Variants in CDH4 observed in about 807,000 individuals in gnomAD.
CDH4 encodes cadherin 4, also known as cadherin-4.
A neutral mutation model predicts 86.0 loss-of-function variants in CDH4; 33 were observed. The ratio of observed to expected loss-of-function variants is 0.38; its 90% CI spans 0.29 to 0.51. The LOEUF is 0.51. Ranked by LOEUF, CDH4 falls within the 20% of genes least tolerant of loss-of-function variation. CDH4 has a pLI of 0.86. For missense variants in CDH4, 1,114 were observed against 1,307.4 expected, an observed-to-expected ratio of 0.85 and a Z score of 2.28; for synonymous variants, 555 against 549.4, an observed-to-expected ratio of 1.01 and a Z score of -0.14.
intron 2 of CDH4, among the ~76,000 whole-genome samples, chr20:61,585,292 C>T (rs6061288): frequency 6.6e-6 from 1 of 152,218 alleles, no homozygotes; most frequent in Non-Finnish European, 1.5e-5. Flanking sequence ...TTCCTTTGAC[C>T]TTGGGGAAGC....
intron 2 of CDH4, among the ~76,000 whole-genome samples, chr20:61,415,889 G>A (rs1224156499): frequency 3.3e-5 from 5 of 151,742 alleles, no homozygotes; most frequent in African/African-American, 9.7e-5. Context: ...TAGTAGAGAC[G>A]GGGTTTTGCC....
chr20:61,565,240 T>TAGTGGTCCTCTTGGTGATGG (rs2086272359), intron 2 of CDH4, among the ~76,000 whole-genome samples: 2 of 65,402 alleles, frequency 3.1e-5, no homozygotes, highest in African/African-American at 1.2e-4. Context: ...GTGGTGGTGG[T>TAGTGGTCCTCTTGGTGATGG]GGCGGTGCTC....
intron 2 of CDH4, among the ~76,000 whole-genome samples, chr20:61,595,887 A>G (rs138885784): frequency 1.3e-4 from 20 of 152,320 alleles, no homozygotes; most frequent in Admixed American, 4.6e-4. Flanking sequence ...TGATTCCCGC[A>G]CGGCTTCCCA....
Position 61,895,052 on chromosome 20 carries a change from G to A in CDH4, c.1188+5G>A, listed in dbSNP as rs1985040043. ...CCAGAATTTACCGCCAGCACGGTGA[G>A]TCCCTCGAAGCTGCCCAGTGACGCA... On this transcript the variant is annotated splice_donor_5th_base_variant and intron_variant, in intron 8 of 15. Transcript: ENST00000614565. 1 of 1,613,100 alleles carries A rather than the reference G, an allele frequency of 6.2e-7. No individual in the cohort carries two copies. The highest frequency in any genetic ancestry group is 1.3e-5 in the African/African-American group (1 of 74,950).
In CDH4 at chr20:61,811,193, T is replaced by C. The variant is rs764684985; in HGVS notation, c.577-33475T>C. 6.6e-6 allele frequency among the ~76,000 whole-genome samples: 1 copy of C among 151,774 alleles called. No individual in the cohort carries two copies. Among genetic ancestry groups the C allele is most frequent in the Non-Finnish European group, 1.5e-5 (1 of 67,980 alleles). ...ACTCTTAGAGAAAAAAAAAATGCAATCCCTGCTGAGGATGTGAACCAGGTG... is the reference window on the plus strand; with the variant it reads ...ACTCTTAGAGAAAAAAAAAATGCAACCCCTGCTGAGGATGTGAACCAGGTG... On this transcript the variant is annotated intron_variant, in intron 4 of 15. Coordinates refer to ENST00000614565, the MANE Select transcript of CDH4 (RefSeq NM_001794.5). This position sits in a 1 kb window ranked among gnomAD's most constrained non-coding sequence, Gnocchi z 4.4.
At chr20:61,599,482 TCCTGACCCC>T (rs945663288) in intron 2 of CDH4, among the ~76,000 whole-genome samples, 10 of 152,152 alleles carry the variant, frequency 6.6e-5, no homozygotes, top group African/African-American at 1.9e-4. Flanking sequence ...AGGCCGACCC[TCCTGACCCC>T]CCTGACCCCA....
chr20:61,357,369 G>A (rs529480199), intron 2 of CDH4, among the ~76,000 whole-genome samples: 70 of 151,836 alleles, frequency 4.6e-4, no homozygotes, highest in African/African-American at 1.5e-3. Flanking sequence ...CCGTGTTGCA[G>A]CCACACACAC....
chr20:61,470,904 T>C (rs1052085237), intron 2 of CDH4, among the ~76,000 whole-genome samples: 2 of 152,180 alleles, frequency 1.3e-5, no homozygotes, highest in Admixed American at 6.5e-5. Context: ...TCATGATGAA[T>C]TATCTTTTTA....
chr20:61,694,037 T>C (rs1482114704), intron 2 of CDH4, among the ~76,000 whole-genome samples: 1 of 151,740 alleles, frequency 6.6e-6, no homozygotes, highest in Admixed American at 6.6e-5. Context: ...GGATTACAGG[T>C]GCCCGCCATG....
At chr20:61,414,542 C>T (rs536008031) in intron 2 of CDH4, among the ~76,000 whole-genome samples, 1 of 152,294 alleles carries the variant, frequency 6.6e-6, no homozygotes, top group African/African-American at 2.4e-5. Context: ...TGACTCCTGG[C>T]ATTATCACAT....
intron 2 of CDH4, among the ~76,000 whole-genome samples, chr20:61,677,203 G>C (rs1276455629): frequency 6.6e-6 from 1 of 152,200 alleles, no homozygotes; most frequent in Non-Finnish European, 1.5e-5. Flanking sequence ...GTAGGGGAAG[G>C]AGCAGGGCCC....
chr20:61,562,437 C>G (rs1410804564), intron 2 of CDH4, among the ~76,000 whole-genome samples: 1 of 151,910 alleles, frequency 6.6e-6, no homozygotes, highest in East Asian at 1.9e-4. Context: ...CCCCAGGACT[C>G]CCGGAGAGAG....
intron 4 of CDH4, among the ~76,000 whole-genome samples, chr20:61,809,202 T>C (rs1352880412): frequency 4.6e-5 from 7 of 152,152 alleles, no homozygotes; most frequent in Admixed American, 4.6e-4. Context: ...TCAGACGTGT[T>C]TCTAGGAAGG....
At chr20:61,813,518 G>A (rs1474031850) in intron 4 of CDH4, among the ~76,000 whole-genome samples, 2 of 152,174 alleles carry the variant, frequency 1.3e-5, no homozygotes, top group African/African-American at 2.4e-5. Flanking sequence ...CAGCTGGAAG[G>A]CAGTGGCTTC....
Position 61,777,721 on chromosome 20 carries a change from T to C in CDH4, c.576+4539T>C, listed in dbSNP as rs1477857310. Among the ~76,000 whole-genome samples the C allele has an allele frequency of 6.0e-4, 21 of 34,914 alleles. 1 individual carries two copies. The highest frequency in any genetic ancestry group is 1.1e-3 in the Admixed American group (3 of 2,752). 22.9% of individuals were successfully genotyped at this position (34,914 alleles called of 152,430 possible). On this transcript the variant is annotated intron_variant, in intron 4 of 15. Transcript: ENST00000614565. ...ATACAAAAACACACACCCACATGCG[T>C]GCACACGTGCATACAAAAACACACA... is the stretch of plus-strand genomic sequence containing the variant.
rs1012002106 is a variant in CDH4, at chr20:61,873,594, C to T, written c.878-134C>T. ...GGTGCACTAACACCACCTCTGAACA[C>T]GCCGAGAGGAAGGGGGTTCCGCTAC... On this transcript the variant is annotated intron_variant, in intron 6 of 15. Coordinates refer to ENST00000614565, the MANE Select transcript of CDH4 (RefSeq NM_001794.5). 3.3e-5 allele frequency: 29 copies of T among 879,142 alleles called. No individual in the cohort carries two copies. In the African/African-American group the frequency reaches 3.7e-4, roughly 11 times the overall value. 54.5% of individuals were successfully genotyped at this position (879,142 alleles called of 1,614,324 possible).
chr20:61,295,850 G>T lies in CDH4; in HGVS notation c.169+40913G>T, dbSNP rs1449007639. Among the ~76,000 whole-genome samples the T allele has an allele frequency of 2.6e-5, 4 of 152,198 alleles. No individual in the cohort carries two copies. The East Asian group carries it at 7.7e-4, about 29-fold the overall frequency. ...GGGCGGCCAGCAGGGTGTGTCCTGGGGTCCCCGGCCGGCCGGAAGCAGCTG... is the reference window on the plus strand; with the variant it reads ...GGGCGGCCAGCAGGGTGTGTCCTGGTGTCCCCGGCCGGCCGGAAGCAGCTG... On this transcript the variant is annotated intron_variant, in intron 2 of 15. Coordinates refer to ENST00000614565, the MANE Select transcript of CDH4 (RefSeq NM_001794.5).
At chr20:61,341,214 G>A (rs893680984) in intron 2 of CDH4, among the ~76,000 whole-genome samples, 3 of 152,228 alleles carry the variant, frequency 2.0e-5, no homozygotes, top group Non-Finnish European at 1.5e-5. Context: ...CTATTTTTAA[G>A]GAAGAAATCA....
chr20:61,356,376 CA>C (rs2123310983), intron 2 of CDH4, among the ~76,000 whole-genome samples: 1 of 152,288 alleles, frequency 6.6e-6, no homozygotes, highest in East Asian at 1.9e-4. Context: ...TCCAGGTAAA[CA>C]AGGGTTTAGG....
Sources: gnomAD v4.1 joint callset for allele counts (sites outside exome capture counted in the v4.1 genomes callset) on GRCh38, gnomAD v4.1.1 for gene constraint, Gnocchi (gnomAD v3.1) non-coding constraint, MANE v1.5 for transcripts, NCBI Gene and HGNC (gene_info 2026-07-23, HGNC 2026-07-21) for gene names.